DLG2: variants seen among roughly 807,000 people sequenced by gnomAD.
The protein encoded by DLG2 is disks large homolog 2.
Under a neutral mutation model 132.5 loss-of-function variants are expected in DLG2, and 45 were observed. The ratio of observed to expected loss-of-function variants is 0.34; its 90% CI spans 0.27 to 0.44. The LOEUF (loss-of-function observed/expected upper bound fraction) is 0.44, where lower values mean the gene tolerates loss of function less well. Among genes scored for constraint, DLG2 ranks in the 20% least tolerant of loss-of-function variants. DLG2 has a pLI of 1.00. For missense variants in DLG2, 1,045 were observed against 1,196.9 expected (o/e 0.87, Z 1.87); for synonymous variants, 424 against 419.6 (o/e 1.01, Z -0.13).
intron 18 of DLG2, among the ~76,000 whole-genome samples, chr11:83,778,826 T>C (rs1478543726): frequency 2.0e-5 from 3 of 152,086 alleles, no homozygotes; most frequent in Admixed American, 6.6e-5. Context: ...TCAGGAATCA[T>C]CTTTTTAGTC....
At chr11:84,478,272 T>A (rs1303376101) in intron 7 of DLG2, among the ~76,000 whole-genome samples, 1 of 152,140 alleles carries the variant, frequency 6.6e-6, no homozygotes, top group Non-Finnish European at 1.5e-5. Flanking sequence ...TATAATGTGT[T>A]TACAGTAGTG....
chr11:83,525,254 C>A (rs2095578026), intron 21 of DLG2, among the ~76,000 whole-genome samples: 1 of 152,128 alleles, frequency 6.6e-6, no homozygotes, highest in African/African-American at 2.4e-5. Context: ...CTCTGAGAAC[C>A]ATTTTCAGAA....
chr11:83,464,780 A>C (rs2136180620), intron 26 of DLG2, among the ~76,000 whole-genome samples: 1 of 152,198 alleles, frequency 6.6e-6, no homozygotes, highest in Non-Finnish European at 1.5e-5. Context: ...CTCAGGCCTC[A>C]TTCCCCTGGG....
intron 2 of DLG2, among the ~76,000 whole-genome samples, chr11:85,611,994 CAGAG>C (rs2081040494): frequency 6.6e-6 from 1 of 151,440 alleles, no homozygotes; most frequent in South Asian, 2.1e-4. Flanking sequence ...AAGAGAGAGA[CAGAG>C]AGGAAGAGAC....
At chr11:83,891,623 A>C (rs1565523586) in intron 15 of DLG2, among the ~76,000 whole-genome samples, 1 of 152,158 alleles carries the variant, frequency 6.6e-6, no homozygotes, top group Non-Finnish European at 1.5e-5. Flanking sequence ...ATGAATTCCA[A>C]GCCTTTCTGT....
chr11:84,534,805 T>C, intron 6 of DLG2, 74 bp from the exon 7 acceptor site: 2 of 1,514,484 alleles, frequency 1.3e-6, no homozygotes, highest in Non-Finnish European at 1.8e-6. Context: ...AACTTCATAT[T>C]CTAACTTCAT....
intron 2 of DLG2, among the ~76,000 whole-genome samples, chr11:85,622,126 GATC>G (rs2081751491): frequency 6.6e-6 from 1 of 152,210 alleles, no homozygotes; most frequent in Non-Finnish European, 1.5e-5. Flanking sequence ...AGGCTCATAT[GATC>G]ATTAGCATTT....
chr11:84,550,444 GA>G (rs915351879), intron 6 of DLG2, among the ~76,000 whole-genome samples: 18 of 151,412 alleles, frequency 1.2e-4, no homozygotes, highest in East Asian at 3.9e-4. Flanking sequence ...AGCAGGCAGA[GA>G]AAAAAAAAGT....
intron 17 of DLG2, among the ~76,000 whole-genome samples, chr11:83,827,985 G>A (rs1259589029): frequency 1.3e-5 from 2 of 152,128 alleles, no homozygotes; most frequent in South Asian, 2.1e-4. Context: ...ATAGGATGTA[G>A]CCCAAGGTGA....
At chr11:85,237,714 T>C (rs1022174129) in intron 4 of DLG2, among the ~76,000 whole-genome samples, 1 of 151,982 alleles carries the variant, frequency 6.6e-6, no homozygotes, top group African/African-American at 2.4e-5. Flanking sequence ...AGCAATAATG[T>C]TAAAATACAG....
At chr11:85,122,729 G>C (rs2074473834) in intron 5 of DLG2, among the ~76,000 whole-genome samples, 1 of 151,556 alleles carries the variant, frequency 6.6e-6, no homozygotes, top group South Asian at 2.1e-4. Flanking sequence ...TGCATTTGGT[G>C]AACAAACAAA....
intron 19 of DLG2, among the ~76,000 whole-genome samples, chr11:83,589,752 T>C (rs1285553822): frequency 5.8e-4 from 88 of 150,530 alleles, no homozygotes; most frequent in African/African-American, 1.9e-3. Context: ...ACCCATCTCA[T>C]GTGCAGAGAC....
At chr11:83,863,316 G>A (rs1018293755) in intron 16 of DLG2, among the ~76,000 whole-genome samples, 3 of 152,068 alleles carry the variant, frequency 2.0e-5, no homozygotes, top group African/African-American at 7.2e-5. Flanking sequence ...TCAGTTTTGG[G>A]GGGTGTAGAA....
chr11:85,491,223 C>T (rs1160899941), intron 3 of DLG2, among the ~76,000 whole-genome samples: 2 of 151,996 alleles, frequency 1.3e-5, no homozygotes, highest in Non-Finnish European at 2.9e-5. Context: ...ATTCAGCATC[C>T]TTTCATGATA....
rs980722092 is a variant in DLG2, at chr11:83,821,561, G to C, written c.1722+12053C>G. ...CTAAGCTATCAGCCCCTGAAGGTGA[G>C]AACAATGTCTGATATACCTCTCTAT... is the stretch of plus-strand genomic sequence containing the variant. On this transcript the variant is annotated intron_variant, in intron 17 of 27. Coordinates refer to ENST00000376104, the MANE Select transcript of DLG2 (RefSeq NM_001142699.3). Among the ~76,000 whole-genome samples the C allele has an allele frequency of 5.2e-4, 79 of 152,116 alleles. 7 individuals carry two copies. Among genetic ancestry groups the C allele is most frequent in the African/African-American group, 2.4e-5 (1 of 41,434 alleles).
intron 6 of DLG2, among the ~76,000 whole-genome samples, chr11:85,064,249 C>CT (rs1363422460): frequency 6.6e-6 from 1 of 151,784 alleles, no homozygotes; most frequent in East Asian, 1.9e-4. Context: ...AACATTTTAT[C>CT]TTTTCAAAAA....
chr11:84,777,331 T>C (rs2070845375), intron 6 of DLG2, among the ~76,000 whole-genome samples: 1 of 125,262 alleles, frequency 8.0e-6, no homozygotes, highest in African/African-American at 2.9e-5. Flanking sequence ...ATATACGTTT[T>C]CTTTACCCAG....
intron 7 of DLG2, among the ~76,000 whole-genome samples, chr11:84,286,874 T>C (rs554437159): frequency 6.6e-6 from 1 of 152,216 alleles, no homozygotes; most frequent in African/African-American, 2.4e-5. Context: ...AGCTTTCCCA[T>C]CTCTCTGCAG....
chr11:85,174,997 C>G (rs1382710789), intron 4 of DLG2, among the ~76,000 whole-genome samples: 15 of 151,946 alleles, frequency 9.9e-5, no homozygotes, highest in Admixed American at 9.8e-4. Flanking sequence ...CCAAAAAAAG[C>G]CCAGGACCAG....
Sources: gnomAD v4.1 joint callset for allele counts (sites outside exome capture counted in the v4.1 genomes callset) on GRCh38, gnomAD v4.1.1 for gene constraint, MANE v1.5 for transcripts, NCBI Gene and HGNC (gene_info 2026-07-23, HGNC 2026-07-21) for gene names.